The following RBFOX1 variants were observed in gnomAD, a reference collection of about 807,000 sequenced individuals.
The protein encoded by RBFOX1 is RNA binding protein fox-1 homolog 1.
RBFOX1 carries 8 observed loss-of-function variants against 57.7 expected under a neutral mutation model. The ratio of observed to expected loss-of-function variants is 0.14; its 90% CI spans 0.08 to 0.25. RBFOX1 has a LOEUF of 0.25. Ranked by LOEUF, RBFOX1 falls within the 10% of genes least tolerant of loss-of-function variation. The pLI, the probability that RBFOX1 is intolerant of heterozygous loss-of-function variation, is 1.00. For synonymous variants in RBFOX1, 326 were observed against 222.4 expected (o/e 1.47, Z -4.15); for missense variants, 611 against 548.5 (o/e 1.11, Z -1.14).
At chr16:5,624,477 G>T (rs1247480961) in intron 3 of RBFOX1, among the ~76,000 whole-genome samples, 1 of 152,236 alleles carries the variant, frequency 6.6e-6, no homozygotes, top group Non-Finnish European at 1.5e-5. Context: ...GATCACAGGC[G>T]TGAGCCATCG....
chr16:6,922,006 A>C (rs1277495377), intron 3 of RBFOX1, among the ~76,000 whole-genome samples: 1 of 152,130 alleles, frequency 6.6e-6, no homozygotes, highest in Non-Finnish European at 1.5e-5. Context: ...AATGCCTAAC[A>C]CCTTGTGGCT....
intron 4 of RBFOX1, among the ~76,000 whole-genome samples, chr16:7,333,334 C>T (rs537113932): frequency 6.6e-6 from 1 of 152,164 alleles, no homozygotes; most frequent in East Asian, 1.9e-4. Flanking sequence ...ATTTAACATT[C>T]ATGTCTTAGC....
intron 4 of RBFOX1, among the ~76,000 whole-genome samples, chr16:5,986,004 G>A (rs2060278458): frequency 6.6e-6 from 1 of 151,616 alleles, no homozygotes; most frequent in East Asian, 1.9e-4. Context: ...AGAAACAATA[G>A]CACTTTTTTG....
At chr16:5,561,986 C>T (rs2045905491) in intron 2 of RBFOX1, among the ~76,000 whole-genome samples, 1 of 152,128 alleles carries the variant, frequency 6.6e-6, no homozygotes, top group Non-Finnish European at 1.5e-5. Flanking sequence ...TTTATTCGCT[C>T]ATCCAATATG....
intron 4 of RBFOX1, among the ~76,000 whole-genome samples, chr16:5,954,633 G>A (rs1373600997): frequency 6.6e-6 from 1 of 152,156 alleles, no homozygotes; most frequent in Non-Finnish European, 1.5e-5. Context: ...TCTGGAAACT[G>A]TAATGAGGAC....
At chr16:5,495,940 A>G (rs1031832636) in intron 2 of RBFOX1, among the ~76,000 whole-genome samples, 1 of 152,230 alleles carries the variant, frequency 6.6e-6, no homozygotes, top group African/African-American at 2.4e-5. Context: ...ATCCTGGCCA[A>G]CATGGTGAAA....
At chr16:6,432,346 G>T (rs1469142443) in intron 2 of RBFOX1, among the ~76,000 whole-genome samples, 1 of 152,040 alleles carries the variant, frequency 6.6e-6, no homozygotes, top group Non-Finnish European at 1.5e-5. Flanking sequence ...TATTTTACCT[G>T]AAGCTTGTAT....
intron 4 of RBFOX1, among the ~76,000 whole-genome samples, chr16:7,443,472 G>A (rs962920138): frequency 6.8e-6 from 1 of 146,884 alleles, no homozygotes; most frequent in African/African-American, 2.5e-5. Flanking sequence ...TAAGATTTCA[G>A]TTCAGCGTTT....
At chr16:7,634,205 T>C (rs1471120832) in intron 11 of RBFOX1, among the ~76,000 whole-genome samples, 1 of 152,208 alleles carries the variant, frequency 6.6e-6, no homozygotes, top group Non-Finnish European at 1.5e-5. Context: ...GTTTTTTAAC[T>C]TGAAAATGCA....
chr16:7,507,913 T>C (rs980667095), intron 4 of RBFOX1, among the ~76,000 whole-genome samples: 4 of 151,580 alleles, frequency 2.6e-5, no homozygotes, highest in African/African-American at 9.7e-5. Context: ...CTCCACTGAC[T>C]AAGGACCCAT....
chr16:5,667,671 A>G (rs1199261942), intron 3 of RBFOX1, among the ~76,000 whole-genome samples: 1 of 152,156 alleles, frequency 6.6e-6, no homozygotes, highest in South Asian at 2.1e-4. Context: ...ATCTCTGGAT[A>G]TCTTTTCATT....
At chr16:6,915,428 G>A (rs116836546) in intron 3 of RBFOX1, among the ~76,000 whole-genome samples, 2 of 152,004 alleles carry the variant, frequency 1.3e-5, no homozygotes, top group East Asian at 1.9e-4. Context: ...CACGTAGCCC[G>A]TTTTCTTATT....
intron 3 of RBFOX1, among the ~76,000 whole-genome samples, chr16:6,867,645 G>C (rs1053064500): frequency 6.6e-6 from 1 of 152,124 alleles, no homozygotes; most frequent in African/African-American, 2.4e-5. Context: ...CTTGAACCCG[G>C]GAGGCAGAGG....
At chr16:6,912,069 T>C (rs1159269311) in intron 3 of RBFOX1, among the ~76,000 whole-genome samples, 2 of 152,230 alleles carry the variant, frequency 1.3e-5, no homozygotes, top group African/African-American at 4.8e-5. Context: ...TTTCTTCCTG[T>C]GAATAAATAT....
At chr16:7,032,537 C>T (rs1400514470) in intron 3 of RBFOX1, among the ~76,000 whole-genome samples, 2 of 152,126 alleles carry the variant, frequency 1.3e-5, no homozygotes, top group East Asian at 1.9e-4. Flanking sequence ...AATTACAGAT[C>T]AGCTAAATCT....
intron 3 of RBFOX1, among the ~76,000 whole-genome samples, chr16:6,963,089 C>T (rs1034049745): frequency 3.3e-5 from 5 of 152,118 alleles, no homozygotes; most frequent in African/African-American, 1.2e-4. Context: ...CACCTTCCCT[C>T]TCCTTTACTG....
chr16:7,648,520 AC>A (rs2064231344), intron 11 of RBFOX1, among the ~76,000 whole-genome samples: 1 of 152,158 alleles, frequency 6.6e-6, no homozygotes, highest in Non-Finnish European at 1.5e-5. Flanking sequence ...ACTGTGCCTG[AC>A]CAGGAAAATT....
At chr16:7,304,575 T>C (rs907343711) in intron 4 of RBFOX1, 15 of 985,302 alleles carry the variant, frequency 1.5e-5, no homozygotes, top group Non-Finnish European at 1.8e-5. Flanking sequence ...CGGTGCCTTA[T>C]GTAGGTTCTG....
intron 3 of RBFOX1, among the ~76,000 whole-genome samples, chr16:5,739,564 A>G (rs757121108): frequency 5.3e-5 from 8 of 152,270 alleles, no homozygotes; most frequent in Non-Finnish European, 7.3e-5. Context: ...CCTGATAGCT[A>G]TAGAGAAAAT....
Sources: gnomAD v4.1 joint callset for allele counts (sites outside exome capture counted in the v4.1 genomes callset) on GRCh38, gnomAD v4.1.1 for gene constraint, MANE v1.5 for transcripts, NCBI Gene and HGNC (gene_info 2026-07-23, HGNC 2026-07-21) for gene names.